Variants in PRKAR2A observed in about 807,000 individuals in gnomAD.
PRKAR2A encodes protein kinase cAMP-dependent type II regulatory subunit alpha.
Under a neutral mutation model 51.9 loss-of-function variants are expected in PRKAR2A, and 29 were observed. The ratio of observed to expected loss-of-function variants is 0.56; its 90% CI spans 0.42 to 0.76. The LOEUF (loss-of-function observed/expected upper bound fraction) is 0.76, where lower values mean the gene tolerates loss of function less well. Ranked by LOEUF, PRKAR2A falls within the 30% of genes least tolerant of loss-of-function variation. The pLI is 0.00. For missense variants in PRKAR2A, 445 were observed against 512.1 expected (o/e 0.87, Z 1.26); for synonymous variants, 178 against 186.2 (o/e 0.96, Z 0.36).
chr3:48,842,233 A>T (rs1409442233), intron 1 of PRKAR2A, among the ~76,000 whole-genome samples: 1 of 152,180 alleles, frequency 6.6e-6, no homozygotes, highest in Non-Finnish European at 1.5e-5. Flanking sequence ...TTGGTATATA[A>T]GAATGCTTGT....
rs2082232621 is a variant in PRKAR2A at position 48,783,222 on chromosome 3, T to C, written c.436-130A>G. 4 of 641,120 alleles carry C rather than the reference T, an allele frequency of 6.2e-6. No individual in the cohort carries two copies. In the African/African-American group the frequency reaches 7.3e-5, roughly 12 times the overall value. 39.7% of individuals were successfully genotyped at this position (641,120 alleles called of 1,614,324 possible). A position where few individuals can be genotyped will look rare whatever the true frequency, so the allele number is the denominator to read the frequency against. On this transcript the variant is annotated intron_variant, in intron 4 of 10. Coordinates refer to ENST00000265563, the MANE Select transcript of PRKAR2A (RefSeq NM_004157.4). ...TTCAAGCAGAAACCTAAAGGTTGTC[T>C]GAAACAAATGCTTTCCTGGGACCAT...
At chr3:48,778,314 A>C (rs988526545) in intron 5 of PRKAR2A, among the ~76,000 whole-genome samples, 1 of 151,202 alleles carries the variant, frequency 6.6e-6, no homozygotes, top group African/African-American at 2.4e-5. Context: ...TTATCACCAC[A>C]TTCTTTTTTC....
chr3:48,747,004 C>T lies in PRKAR2A; in HGVS notation c.*4581G>A, dbSNP rs889885812. On this transcript the variant is annotated 3_prime_UTR_variant, in exon 11 of 11. Transcript: ENST00000265563. ...GCTCAAGGTGGGCTAAATGGTTTTA[C>T]GCAAACCCCTCCATGAGGTTAGTGA... 2.0e-5 allele frequency: 3 copies of T among 146,582 alleles called. No homozygotes were observed. The highest frequency in any genetic ancestry group is 7.5e-5 in the African/African-American group (3 of 39,896). The allele number at this position is 146,582 out of a possible 1,614,324, so 9.1% of individuals were successfully genotyped here.
rs1246313943 is a variant in PRKAR2A at position 48,747,718 on chromosome 3, C to G, written c.*3867G>C. 6.6e-6 allele frequency: 1 copy of G among 152,190 alleles called. No individual in the cohort carries two copies. Among genetic ancestry groups the G allele is most frequent in the Non-Finnish European group, 1.5e-5 (1 of 68,054 alleles). The allele number at this position is 152,190 out of a possible 1,614,324, so 9.4% of individuals were successfully genotyped here. On this transcript the variant is annotated 3_prime_UTR_variant, in exon 11 of 11. Transcript: ENST00000265563. ...AGCTGGGGGCCAAAAGGAAGGCTCT[C>G]AGGAATATTCTCTACCATCCAAAAT...
intron 1 of PRKAR2A, among the ~76,000 whole-genome samples, chr3:48,835,412 C>T (rs550740318): frequency 3.9e-5 from 6 of 151,976 alleles, no homozygotes; most frequent in East Asian, 1.9e-4. Context: ...GAGGCCAAGG[C>T]GGGCAGATCA....
At position 48,847,235 on chromosome 3, in the gene PRKAR2A, G is replaced by A; in HGVS notation, c.262+100C>T. On this transcript the variant is annotated intron_variant, in intron 1 of 10. Transcript: ENST00000265563. The surrounding 1 kb of genome is among the most constrained non-coding windows in gnomAD (Gnocchi z 4.4). ...GCTACAGAGCTCCCAATCCCAGCCT[G>A]CGGTCGGCTTGGCTGCGGCGCGACA... is the stretch of plus-strand genomic sequence containing the variant. 2 of 1,420,584 alleles carry A rather than the reference G, an allele frequency of 1.4e-6. No homozygotes were observed. Among genetic ancestry groups the A allele is most frequent in the South Asian group, 1.4e-5 (1 of 73,710 alleles). 88.0% of individuals were successfully genotyped at this position (1,420,584 alleles called of 1,614,324 possible). A position where few individuals can be genotyped will look rare whatever the true frequency, so the allele number is the denominator to read the frequency against.
intron 1 of PRKAR2A, among the ~76,000 whole-genome samples, chr3:48,824,661 G>A (rs946309063): frequency 6.6e-6 from 1 of 152,120 alleles, no homozygotes; most frequent in African/African-American, 2.4e-5. Context: ...GAATGGCTAT[G>A]AGGACAAGCA....
rs761934166 is a variant in PRKAR2A at position 48,847,393 on chromosome 3, C to T, written c.204G>A (p.Pro68=). ...CCCCTTTGGCGTCGGCGACACGGTCCGGGCCGGGTTCTGGCGGGGGGTGGC... is the reference window on the plus strand; with the variant it reads ...CCCCTTTGGCGTCGGCGACACGGTCTGGGCCGGGTTCTGGCGGGGGGTGGC... The part of the protein sequence containing the change: ...SLGHPPPEPG[P]DRVADAKGDS... Residue 68 remains proline (P), a synonymous_variant, in exon 1 of 11, where the codon CCG becomes CCA. Coordinates refer to ENST00000265563, the MANE Select transcript of PRKAR2A (RefSeq NM_004157.4). This position sits in a 1 kb window ranked among gnomAD's most constrained non-coding sequence, Gnocchi z 4.4. 11 of 1,611,136 alleles carry T rather than the reference C, an allele frequency of 6.8e-6. No homozygotes were observed. Among genetic ancestry groups the T allele is most frequent in the Non-Finnish European group, 7.6e-6 (9 of 1,178,816 alleles).
At chr3:48,769,456 C>G (rs956268592) in intron 6 of PRKAR2A, among the ~76,000 whole-genome samples, 1 of 151,374 alleles carries the variant, frequency 6.6e-6, no homozygotes, top group Admixed American at 6.6e-5. Flanking sequence ...TGTGCCCGAC[C>G]ACAACAAATA....
chr3:48,797,993 C>T (rs983102602), intron 2 of PRKAR2A, among the ~76,000 whole-genome samples: 1 of 152,068 alleles, frequency 6.6e-6, no homozygotes, highest in Non-Finnish European at 1.5e-5. Context: ...GCTCTTGTTG[C>T]CCAGTCTGGA....
At chr3:48,812,266 A>G (rs1417495780) in intron 1 of PRKAR2A, among the ~76,000 whole-genome samples, 1 of 152,188 alleles carries the variant, frequency 6.6e-6, no homozygotes, top group Non-Finnish European at 1.5e-5. Flanking sequence ...TTCATTTAGT[A>G]AATATTTACT....
At chr3:48,807,939 A>G (rs1007878830) in intron 1 of PRKAR2A, among the ~76,000 whole-genome samples, 1 of 152,234 alleles carries the variant, frequency 6.6e-6, no homozygotes, top group African/African-American at 2.4e-5. Context: ...ATTTCTGCCC[A>G]CATCTATATT....
At position 48,751,734 on chromosome 3, in the gene PRKAR2A, G is replaced by T. The variant is rs79783385; in HGVS notation, c.1082-16C>A. ...ACATCCATAACTGCATTGTTAAAAAGAGGTGAGGGAGAGAATGAATTCAAG... is the reference window on the plus strand; with the variant it reads ...ACATCCATAACTGCATTGTTAAAAATAGGTGAGGGAGAGAATGAATTCAAG... On this transcript the variant is annotated splice_polypyrimidine_tract_variant and intron_variant, in intron 10 of 10. Transcript: ENST00000265563. The T allele has an allele frequency of 1.9e-6, 3 of 1,597,246 alleles. No individual in the cohort carries two copies. Among genetic ancestry groups the T allele is most frequent in the East Asian group, 2.3e-5 (1 of 44,434 alleles).
At chr3:48,822,554 T>C (rs2107408196) in intron 1 of PRKAR2A, among the ~76,000 whole-genome samples, 1 of 152,300 alleles carries the variant, frequency 6.6e-6, no homozygotes, top group Admixed American at 6.5e-5. Context: ...AATTAAGCCA[T>C]TTTCATTTTC....
intron 2 of PRKAR2A, among the ~76,000 whole-genome samples, chr3:48,799,563 G>T (rs2107337402): frequency 6.6e-6 from 1 of 152,230 alleles, no homozygotes; most frequent in South Asian, 2.1e-4. Flanking sequence ...AAAAAATATT[G>T]CATACTATGA....
At chr3:48,809,595 CAAAAAAA>C (rs57623385) in intron 1 of PRKAR2A, among the ~76,000 whole-genome samples, 55 of 49,354 alleles carry the variant, frequency 1.1e-3, no homozygotes, top group African/African-American at 4.9e-3. Flanking sequence ...GACTCCATCT[CAAAAAAA>C]AAAAAAAAAA....
intron 1 of PRKAR2A, among the ~76,000 whole-genome samples, chr3:48,812,966 C>T (rs936503195): frequency 1.3e-5 from 2 of 151,976 alleles, no homozygotes; most frequent in African/African-American, 2.4e-5. Context: ...CATAATGCTC[C>T]GTACATATTG....
rs768222853 is a variant in PRKAR2A, at chr3:48,749,023, G to A, written c.*2562C>T. 5 of 152,238 alleles carry A rather than the reference G, an allele frequency of 3.3e-5. No individual in the cohort carries two copies. Among genetic ancestry groups the A allele is most frequent in the East Asian group, 1.9e-4 (1 of 5,204 alleles). 9.4% of individuals were successfully genotyped at this position (152,238 alleles called of 1,614,324 possible). A position where few individuals can be genotyped will look rare whatever the true frequency, so the allele number is the denominator to read the frequency against. Reference sequence around the variant, plus strand: ...TGGAAATATCTTGGTCACACTGTCCGTGGCAAAAGCGGAAAGCCTAGCTTA... The same window carrying A: ...TGGAAATATCTTGGTCACACTGTCCATGGCAAAAGCGGAAAGCCTAGCTTA... On this transcript the variant is annotated 3_prime_UTR_variant, in exon 11 of 11. Transcript: ENST00000265563.
Position 48,795,568 on chromosome 3 carries a change from G to A in PRKAR2A, c.299-1519C>T, listed in dbSNP as rs1432669629. Among the ~76,000 whole-genome samples, 6 of 152,196 alleles carry A rather than the reference G, an allele frequency of 3.9e-5. No homozygotes were observed. The South Asian group carries it at 6.2e-4, about 16-fold the overall frequency. On this transcript the variant is annotated intron_variant, in intron 2 of 10. Coordinates refer to ENST00000265563, the MANE Select transcript of PRKAR2A (RefSeq NM_004157.4). ...ACTCTTCTTTTTTTGAGAGAGTCTC[G>A]TTCCTTCGCTCAGGTTGAGGTACAG...
Sources: allele counts gnomAD v4.1 joint callset (sites outside exome capture counted in the v4.1 genomes callset), GRCh38; gene constraint gnomAD v4.1.1; non-coding constraint Gnocchi (gnomAD v3.1); transcripts MANE v1.5; gene names NCBI Gene and HGNC (gene_info 2026-07-23, HGNC 2026-07-21).